Variants in COL4A1 observed in about 807,000 individuals in gnomAD.
COL4A1 encodes the protein collagen type IV alpha 1 chain.
In COL4A1, 40 loss-of-function variants were observed where a neutral mutation model predicts 216.6. The observed-to-expected ratio is 0.18, with a 90% CI of 0.14 to 0.24. The LOEUF (loss-of-function observed/expected upper bound fraction) is 0.24, where lower values mean the gene tolerates loss of function less well. Ranked by LOEUF, COL4A1 falls within the 10% of genes least tolerant of loss-of-function variation. COL4A1 has a pLI of 1.00. For synonymous variants in COL4A1, 839 were observed against 810.7 expected, an observed-to-expected ratio of 1.03 and a Z score of -0.59; for missense variants, 1,628 against 2,196.8, an observed-to-expected ratio of 0.74 and a Z score of 5.18.
intron 1 of COL4A1, among the ~76,000 whole-genome samples, chr13:110,247,001 G>T (rs1053694434): frequency 6.6e-6 from 1 of 152,134 alleles, no homozygotes; most frequent in Admixed American, 6.5e-5. Context: ...TCTTATAAAA[G>T]CAGACCAGCC....
chr13:110,215,595 G>T (rs1334088569), intron 2 of COL4A1, among the ~76,000 whole-genome samples: 3 of 149,862 alleles, frequency 2.0e-5, no homozygotes, highest in Non-Finnish European at 3.0e-5. Context: ...CATAACCATT[G>T]TAAGAAATCA....
intron 33 of COL4A1, among the ~76,000 whole-genome samples, chr13:110,177,301 T>C (rs1041683007): frequency 2.0e-5 from 3 of 152,216 alleles, no homozygotes; most frequent in African/African-American, 7.2e-5. Flanking sequence ...TTTAGATAAC[T>C]TACATTTCTC....
rs1877759640 is a variant in COL4A1, at chr13:110,173,948, G to A, written c.3457C>T (p.Pro1153Ser). The change falls in exon 40 of 52, where the codon CCA becomes TCA. Residue 1153 changes from proline (P) to serine (S), a missense_variant. Pro to Ser is a moderately conservative substitution (Grantham distance 74). Transcript: ENST00000375820. ...GACCCCGGGATTCCATCACTGCCTGGCTCCCCTTTCTGGCCAGCTGGGCCT... is the reference window on the plus strand; with the variant it reads ...GACCCCGGGATTCCATCACTGCCTGACTCCCCTTTCTGGCCAGCTGGGCCT... ...PTGPAGQKGE[P>S]GSDGIPGSAG... is the part of the protein sequence containing the mutation. 6.2e-7 allele frequency: 1 copy of A among 1,614,172 alleles called. No individual in the cohort carries two copies. Among genetic ancestry groups the A allele is most frequent in the Non-Finnish European group, 8.5e-7 (1 of 1,180,040 alleles).
intron 28 of COL4A1, among the ~76,000 whole-genome samples, chr13:110,182,784 G>A (rs138887917): frequency 1.4e-3 from 217 of 152,346 alleles, no homozygotes; most frequent in African/African-American, 4.9e-3. Context: ...CAGCCTTAGC[G>A]TCCCATCTTC....
intron 45 of COL4A1, 93 bp downstream of exon 45, chr13:110,166,139 T>G: frequency 1.2e-6 from 1 of 819,294 alleles, no homozygotes; most frequent in Admixed American, 1.7e-5. Flanking sequence ...ATTTCACATA[T>G]GAAAAACCAA....
At chr13:110,165,079 T>A (rs1221775257) in intron 45 of COL4A1, 89 bp from the exon 46 acceptor site, 1 of 1,546,186 alleles carries the variant, frequency 6.5e-7, no homozygotes, top group Non-Finnish European at 8.7e-7. Context: ...GGTGAAGCTA[T>A]CCAAATGGAA....
chr13:110,172,578 C>T, intron 41 of COL4A1, 142 bp downstream of exon 41: 1 of 813,138 alleles, frequency 1.2e-6, no homozygotes, highest in Non-Finnish European at 2.2e-6. Flanking sequence ...AGGCATTGCC[C>T]TCTGGGCTCA....
chr13:110,208,074 G>A (rs1458321938), intron 12 of COL4A1, among the ~76,000 whole-genome samples: 2 of 152,250 alleles, frequency 1.3e-5, no homozygotes, highest in Non-Finnish European at 2.9e-5. Context: ...CGCTCTGGTT[G>A]TAATTGCCTC....
At chr13:110,239,578 G>A (rs945224843) in intron 2 of COL4A1, among the ~76,000 whole-genome samples, 2 of 152,196 alleles carry the variant, frequency 1.3e-5, no homozygotes, top group Non-Finnish European at 2.9e-5. Context: ...GATAGAAGGC[G>A]TTCAGTTGCA....
intron 36 of COL4A1, 122 bp from the exon 37 acceptor site, chr13:110,175,479 C>A: frequency 6.6e-7 from 1 of 1,511,920 alleles, no homozygotes. Context: ...CACAACCAGC[C>A]AAGATTGAGA....
At chr13:110,202,935 A>G in intron 18 of COL4A1, among the ~76,000 whole-genome samples, 1 of 152,210 alleles carries the variant, frequency 6.6e-6, no homozygotes, top group African/African-American at 2.4e-5. Flanking sequence ...TGTCAAGGCC[A>G]GGCACAGTGG....
At chr13:110,280,453 C>T (rs1883586615) in intron 1 of COL4A1, among the ~76,000 whole-genome samples, 1 of 152,198 alleles carries the variant, frequency 6.6e-6, no homozygotes, top group Admixed American at 6.5e-5. Flanking sequence ...CACAAAGTCA[C>T]CATTATGCCA....
chr13:110,205,046 A>C (rs1879425752), intron 17 of COL4A1, among the ~76,000 whole-genome samples: 1 of 152,202 alleles, frequency 6.6e-6, no homozygotes, highest in South Asian at 2.1e-4. Flanking sequence ...GTAACAGAAA[A>C]AATTAGGTAA....
intron 32 of COL4A1, 66 bp downstream of exon 32, chr13:110,177,998 T>C (rs1161492448): frequency 4.3e-6 from 7 of 1,613,920 alleles, no homozygotes; most frequent in South Asian, 1.1e-5. Flanking sequence ...TGCTGAGTCA[T>C]AAAAAGAATA....
chr13:110,306,928 C>A lies in COL4A1; in HGVS notation c.84+16G>T. On this transcript the variant is annotated intron_variant, in intron 1 of 51. Coordinates refer to ENST00000375820, the MANE Select transcript of COL4A1 (RefSeq NM_001845.6). Reference sequence around the variant, plus strand: ...TCGGGGCGGGACGCCGGGAGCGGAGCTGGCCGGGAACTCACCTTCGCAGCG... The same window carrying A: ...TCGGGGCGGGACGCCGGGAGCGGAGATGGCCGGGAACTCACCTTCGCAGCG... The A allele has an allele frequency of 1.4e-6, 2 of 1,460,126 alleles. No individual in the cohort carries two copies. Among genetic ancestry groups the A allele is most frequent in the African/African-American group, 1.5e-5 (1 of 68,188 alleles). 90.4% of individuals were successfully genotyped at this position (1,460,126 alleles called of 1,614,324 possible). A position where few individuals can be genotyped will look rare whatever the true frequency, so the allele number is the denominator to read the frequency against.
At chr13:110,179,110 C>T (rs1024115705) in intron 30 of COL4A1, 74 bp from the exon 31 acceptor site, 73 of 1,531,464 alleles carry the variant, frequency 4.8e-5, no homozygotes, top group African/African-American at 1.5e-4. Flanking sequence ...CCCATGCACA[C>T]GAATGGCCCC....
intron 40 of COL4A1, among the ~76,000 whole-genome samples, 194 bp downstream of exon 40, chr13:110,173,706 A>T (rs1877747554): frequency 6.6e-6 from 1 of 152,028 alleles, no homozygotes; most frequent in Non-Finnish European, 1.5e-5. Context: ...TGGGATAATA[A>T]ATACCCCTTC....
chr13:110,305,465 G>T (rs1884652456), intron 1 of COL4A1, among the ~76,000 whole-genome samples: 1 of 152,204 alleles, frequency 6.6e-6, no homozygotes, highest in Non-Finnish European at 1.5e-5. Context: ...AAATCGAAAT[G>T]CAAACAGCTC....
chr13:110,274,831 T>G (rs1343809193), intron 1 of COL4A1, among the ~76,000 whole-genome samples: 2 of 152,218 alleles, frequency 1.3e-5, no homozygotes, highest in Non-Finnish European at 2.9e-5. Context: ...GCAGTGATTG[T>G]GCCAACGCCA....
Sources: allele counts gnomAD v4.1 joint callset (sites outside exome capture counted in the v4.1 genomes callset), GRCh38; gene constraint gnomAD v4.1.1; transcripts MANE v1.5; gene names NCBI Gene and HGNC (gene_info 2026-07-23, HGNC 2026-07-21).